CDH18: variants seen among roughly 807,000 people sequenced by gnomAD.
CDH18 encodes the protein cadherin 18.
In CDH18, 31 loss-of-function variants were observed where a neutral mutation model predicts 67.9. The observed-to-expected ratio is 0.46, with a 90% CI of 0.34 to 0.62. The LOEUF is 0.62. Ranked by LOEUF, CDH18 falls within the 20% of genes least tolerant of loss-of-function variation. The pLI is 0.01. For missense variants in CDH18, 890 were observed against 975.5 expected (o/e 0.91, Z 1.17); for synonymous variants, 362 against 347.2 (o/e 1.04, Z -0.48).
At position 19,474,190 on chromosome 5, in the gene CDH18, T is replaced by G. The variant is rs116489971; in HGVS notation, c.1883-474A>C. 9.3e-3 allele frequency among the ~76,000 whole-genome samples: 1,411 copies of G among 152,274 alleles called. 25 individuals are homozygous for G. The highest frequency in any genetic ancestry group is 0.032 in the African/African-American group (1,340 of 41,562). On this transcript the variant is annotated intron_variant, in intron 12 of 12. Coordinates refer to ENST00000382275, the MANE Select transcript of CDH18 (RefSeq NM_004934.5). Reference sequence around the variant, plus strand: ...AAGAAGGAGCCTTAACGTTAAACCCTTTAAATTTTGATGCTTTGTAGAAAA... The same window carrying G: ...AAGAAGGAGCCTTAACGTTAAACCCGTTAAATTTTGATGCTTTGTAGAAAA...
At chr5:20,476,328 C>T (rs1249296730) in intron 1 of CDH18, among the ~76,000 whole-genome samples, 1 of 140,718 alleles carries the variant, frequency 7.1e-6, no homozygotes, top group African/African-American at 2.7e-5. Flanking sequence ...CGATACTGGC[C>T]ATCATGGTCA....
intron 1 of CDH18, among the ~76,000 whole-genome samples, chr5:20,542,514 T>C (rs2126593444): frequency 6.6e-6 from 1 of 151,700 alleles, no homozygotes; most frequent in East Asian, 1.9e-4. Flanking sequence ...ATATTGTGCG[T>C]ATGCATATAT....
At chr5:19,688,123 C>T (rs183629869) in intron 5 of CDH18, among the ~76,000 whole-genome samples, 14 of 152,304 alleles carry the variant, frequency 9.2e-5, no homozygotes, top group African/African-American at 3.4e-4. Flanking sequence ...TTTCCCACCA[C>T]CATTACTGCC....
chr5:20,331,858 T>G (rs568794814), intron 1 of CDH18, among the ~76,000 whole-genome samples: 1 of 152,284 alleles, frequency 6.6e-6, no homozygotes, highest in South Asian at 2.1e-4. Flanking sequence ...ATAAGAACAG[T>G]ATTAAACTGT....
At chr5:20,436,283 A>G (rs1328498456) in intron 1 of CDH18, among the ~76,000 whole-genome samples, 2 of 151,948 alleles carry the variant, frequency 1.3e-5, no homozygotes, top group East Asian at 3.9e-4. Flanking sequence ...TGTTGTGGGA[A>G]TCCGGCTTGC....
rs894967543 is a variant in CDH18 at position 19,620,626 on chromosome 5, T to C, written c.644-8025A>G. 1.5e-4 allele frequency among the ~76,000 whole-genome samples: 23 copies of C among 152,242 alleles called. No homozygotes were observed. In the Middle Eastern group the frequency reaches 0.01, roughly 68 times the overall value. On this transcript the variant is annotated intron_variant, in intron 5 of 12. Coordinates refer to ENST00000382275, the MANE Select transcript of CDH18 (RefSeq NM_004934.5). Reference sequence around the variant, plus strand: ...ATAAAAGTGGTCACTATCTAAGAATTTGAAAATATACATCAGGCAGATGTA... The same window carrying C: ...ATAAAAGTGGTCACTATCTAAGAATCTGAAAATATACATCAGGCAGATGTA...
At chr5:20,010,358 C>T (rs1030163107) in intron 2 of CDH18, among the ~76,000 whole-genome samples, 4 of 151,878 alleles carry the variant, frequency 2.6e-5, no homozygotes, top group Non-Finnish European at 5.9e-5. Context: ...TATAGGCATG[C>T]ACCACCACGC....
intron 1 of CDH18, among the ~76,000 whole-genome samples, chr5:20,498,473 T>G (rs1401755134): frequency 6.6e-6 from 1 of 152,110 alleles, no homozygotes; most frequent in Non-Finnish European, 1.5e-5. Context: ...TATAGAGAGA[T>G]ACTTATTTTA....
At chr5:20,268,736 C>T (rs184512047) in intron 1 of CDH18, among the ~76,000 whole-genome samples, 22 of 151,936 alleles carry the variant, frequency 1.4e-4, no homozygotes, top group East Asian at 5.8e-4. Flanking sequence ...TCAACAACAA[C>T]GAAAAAGACT....
chr5:20,319,557 T>C (rs765260739), intron 1 of CDH18, among the ~76,000 whole-genome samples: 1 of 152,180 alleles, frequency 6.6e-6, no homozygotes, highest in Non-Finnish European at 1.5e-5. Context: ...GTTAACACAT[T>C]ATTTGTTTCA....
intron 1 of CDH18, among the ~76,000 whole-genome samples, chr5:20,477,900 C>T (rs891782331): frequency 4.6e-5 from 7 of 152,086 alleles, no homozygotes; most frequent in African/African-American, 1.7e-4. Flanking sequence ...TGTCTTACAA[C>T]TTGGATATCA....
At chr5:20,417,741 C>T (rs767568684) in intron 1 of CDH18, among the ~76,000 whole-genome samples, 37 of 152,130 alleles carry the variant, frequency 2.4e-4, no homozygotes, top group Non-Finnish European at 4.3e-4. Context: ...TATCATCAGT[C>T]ATATATTCCT....
intron 2 of CDH18, among the ~76,000 whole-genome samples, chr5:19,970,561 C>T (rs1336801245): frequency 6.6e-6 from 1 of 151,394 alleles, no homozygotes; most frequent in East Asian, 1.9e-4. Context: ...GGTTTTGGAA[C>T]TATTACTGTA....
At chr5:19,865,892 A>G (rs1385521303) in intron 2 of CDH18, among the ~76,000 whole-genome samples, 1 of 152,116 alleles carries the variant, frequency 6.6e-6, no homozygotes, top group Non-Finnish European at 1.5e-5. Flanking sequence ...TTTGACTATT[A>G]AATGTATTTG....
intron 1 of CDH18, among the ~76,000 whole-genome samples, chr5:20,555,591 C>T (rs1296418375): frequency 6.6e-6 from 1 of 151,798 alleles, no homozygotes; most frequent in Non-Finnish European, 1.5e-5. Context: ...ATTACAGGCA[C>T]ATGCCACCAC....
intron 2 of CDH18, among the ~76,000 whole-genome samples, chr5:20,032,117 A>G (rs566618686): frequency 6.6e-6 from 1 of 152,182 alleles, no homozygotes; most frequent in African/African-American, 2.4e-5. Flanking sequence ...TCCTCAAAAA[A>G]TGACAGTATG....
At chr5:20,236,181 G>C (rs1742461075) in intron 2 of CDH18, among the ~76,000 whole-genome samples, 1 of 151,404 alleles carries the variant, frequency 6.6e-6, no homozygotes, top group Non-Finnish European at 1.5e-5. Context: ...ATCACACAAT[G>C]TACCTTTGAA....
chr5:20,055,735 C>T (rs1310462170), intron 2 of CDH18, among the ~76,000 whole-genome samples: 2 of 152,076 alleles, frequency 1.3e-5, no homozygotes, highest in Non-Finnish European at 2.9e-5. Flanking sequence ...GTAATCATCC[C>T]TTATTGAGTT....
intron 1 of CDH18, among the ~76,000 whole-genome samples, chr5:20,447,127 T>A (rs1201338105): frequency 1.3e-5 from 2 of 152,168 alleles, no homozygotes; most frequent in African/African-American, 4.8e-5. Context: ...TTTCCTTTTA[T>A]CCTTTTTCCT....
Sources: gnomAD v4.1 joint callset for allele counts (sites outside exome capture counted in the v4.1 genomes callset) on GRCh38, gnomAD v4.1.1 for gene constraint, MANE v1.5 for transcripts, NCBI Gene and HGNC (gene_info 2026-07-23, HGNC 2026-07-21) for gene names.